The following FTO variants were observed in gnomAD, a reference collection of about 807,000 sequenced individuals.
The protein encoded by FTO is alpha-ketoglutarate-dependent dioxygenase FTO.
A neutral mutation model predicts 63.9 loss-of-function variants in FTO; 47 were observed. The observed-to-expected ratio is 0.74, with a 90% CI of 0.58 to 0.94. The LOEUF (loss-of-function observed/expected upper bound fraction) is 0.94. FTO is among the 40% of genes least tolerant of loss of function. The pLI is 0.00. For synonymous variants in FTO, 207 were observed against 224.4 expected, an observed-to-expected ratio of 0.92 and a Z score of 0.69; for missense variants, 562 against 618.1, an observed-to-expected ratio of 0.91 and a Z score of 0.96.
intron 6 of FTO, chr16:53,886,912 G>C (rs534198745): frequency 6.6e-6 from 1 of 152,178 alleles, no homozygotes; most frequent in African/African-American, 2.4e-5. Flanking sequence ...AGACAATCCA[G>C]CCTGAAGCTG....
At chr16:53,767,581 T>C (rs2077240052) in intron 1 of FTO, among the ~76,000 whole-genome samples, 1 of 151,908 alleles carries the variant, frequency 6.6e-6, no homozygotes, top group Admixed American at 6.6e-5. Flanking sequence ...CCTGGCTTTA[T>C]GAATTTTTTT....
chr16:53,732,141 G>A (rs1184147640), intron 1 of FTO, among the ~76,000 whole-genome samples: 6 of 148,178 alleles, frequency 4.0e-5, no homozygotes, highest in Non-Finnish European at 5.9e-5. Flanking sequence ...CTCTGCCTCC[G>A]GGCTTCATGC....
intron 8 of FTO, among the ~76,000 whole-genome samples, chr16:53,962,393 T>C (rs2083102900): frequency 6.6e-6 from 1 of 152,172 alleles, no homozygotes; most frequent in African/African-American, 2.4e-5. Context: ...AGCAGGGCTC[T>C]GTCAATTACA....
At chr16:53,890,717 G>A (rs1413795888) in intron 7 of FTO, among the ~76,000 whole-genome samples, 2 of 152,226 alleles carry the variant, frequency 1.3e-5, no homozygotes, top group Non-Finnish European at 2.9e-5. Context: ...TTAATGAAAA[G>A]TCTGTGCCTA....
intron 1 of FTO, among the ~76,000 whole-genome samples, chr16:53,771,888 A>G (rs998468554): frequency 6.6e-6 from 1 of 152,120 alleles, no homozygotes; most frequent in Non-Finnish European, 1.5e-5. Context: ...ACATGATTCC[A>G]TGTACAGAAT....
intron 7 of FTO, among the ~76,000 whole-genome samples, chr16:53,890,238 T>C (rs1386385644): frequency 2.6e-5 from 4 of 152,240 alleles, no homozygotes; most frequent in Non-Finnish European, 5.9e-5. Context: ...TGCTAATCCC[T>C]ATTTTATTTT....
chr16:53,725,894 G>T (rs2076141389), intron 1 of FTO, among the ~76,000 whole-genome samples: 1 of 152,186 alleles, frequency 6.6e-6, no homozygotes, highest in Admixed American at 6.5e-5. Flanking sequence ...TATTGTTGAT[G>T]AAAAGGCTGT....
At chr16:54,095,263 C>T (rs192222625) in intron 8 of FTO, among the ~76,000 whole-genome samples, 78 of 152,244 alleles carry the variant, frequency 5.1e-4, no homozygotes, top group African/African-American at 1.7e-3. Flanking sequence ...TGGTCTAGAA[C>T]TCCTGACCTT....
At chr16:53,966,141 T>G (rs2083192774) in intron 8 of FTO, among the ~76,000 whole-genome samples, 1 of 152,258 alleles carries the variant, frequency 6.6e-6, no homozygotes, top group Non-Finnish European at 1.5e-5. Flanking sequence ...GTGCTGGGAT[T>G]ACAGGTGTGA....
chr16:53,719,253 CTT>C (rs10527186), intron 1 of FTO, among the ~76,000 whole-genome samples: 74 of 135,682 alleles, frequency 5.5e-4, no homozygotes, highest in African/African-American at 1.7e-3. Context: ...TCTTCTTCTT[CTT>C]TTTTTTTTTT....
intron 8 of FTO, among the ~76,000 whole-genome samples, chr16:53,963,110 C>T (rs907426397): frequency 6.6e-6 from 1 of 152,130 alleles, no homozygotes; most frequent in African/African-American, 2.4e-5. Flanking sequence ...TTAACTTGTT[C>T]CCAGCGGTCC....
intron 4 of FTO, among the ~76,000 whole-genome samples, chr16:53,845,788 T>C (rs2079601362): frequency 6.6e-6 from 1 of 152,236 alleles, no homozygotes; most frequent in Non-Finnish European, 1.5e-5. Flanking sequence ...GTGGTACCAG[T>C]CTGAGACTTT....
chr16:53,795,448 T>TA (rs757758709), intron 1 of FTO, among the ~76,000 whole-genome samples: 5,185 of 151,924 alleles, frequency 0.034, 93 homozygotes, highest in South Asian at 0.068. Flanking sequence ...TGCTAATACA[T>TA]TTGTGTGTGT....
At chr16:53,770,718 A>G (rs1035651359) in intron 1 of FTO, among the ~76,000 whole-genome samples, 2 of 152,280 alleles carry the variant, frequency 1.3e-5, no homozygotes, top group African/African-American at 4.8e-5. Flanking sequence ...ATGATACTGC[A>G]TTGAATAACC....
intron 4 of FTO, among the ~76,000 whole-genome samples, chr16:53,853,206 G>A (rs1425956114): frequency 1.3e-5 from 2 of 152,160 alleles, no homozygotes; most frequent in Admixed American, 1.3e-4. Flanking sequence ...TGGGGAGGCC[G>A]AGGCCAGAGA....
At chr16:53,901,365 G>C (rs556483651) in intron 7 of FTO, among the ~76,000 whole-genome samples, 1 of 152,286 alleles carries the variant, frequency 6.6e-6, no homozygotes, top group African/African-American at 2.4e-5. Context: ...TTTGCTATTA[G>C]AGTTGTGGTT....
chr16:54,015,533 GCCCATGGCA>G (rs2084424090), intron 8 of FTO, among the ~76,000 whole-genome samples: 1 of 107,302 alleles, frequency 9.3e-6, no homozygotes, highest in Admixed American at 9.3e-5. Context: ...TGGCACAAAT[GCCCATGGCA>G]AAAGGAAATA....
intron 8 of FTO, among the ~76,000 whole-genome samples, chr16:54,053,169 G>T (rs2085350425): frequency 6.6e-6 from 1 of 152,140 alleles, no homozygotes; most frequent in Non-Finnish European, 1.5e-5. Context: ...TTTCCTCTCT[G>T]CAGAGATGAA....
chr16:53,884,162 T>C (rs1317447932), intron 6 of FTO, among the ~76,000 whole-genome samples: 1 of 152,212 alleles, frequency 6.6e-6, no homozygotes, highest in African/African-American at 2.4e-5. Context: ...AGTTTGGGCA[T>C]ATGTTTTGGA....
Sources: gnomAD v4.1 joint callset for allele counts (sites outside exome capture counted in the v4.1 genomes callset) on GRCh38, gnomAD v4.1.1 for gene constraint, MANE v1.5 for transcripts, NCBI Gene and HGNC (gene_info 2026-07-23, HGNC 2026-07-21) for gene names.